Variants in SGO2 observed in about 807,000 individuals in gnomAD.
The protein encoded by SGO2 is shugoshin-like 2.
In SGO2, 68 loss-of-function variants were observed where a neutral mutation model predicts 99.5. That is an observed-to-expected ratio of 0.68 (90% CI 0.56 to 0.84). The LOEUF (loss-of-function observed/expected upper bound fraction) is 0.84, where lower values mean the gene tolerates loss of function less well. SGO2 is among the 40% of genes least tolerant of loss of function. SGO2 has a pLI of 0.00. For synonymous variants in SGO2, 457 were observed against 487.1 expected, an observed-to-expected ratio of 0.94 and a Z score of 0.81; for missense variants, 1,350 against 1,436.7, an observed-to-expected ratio of 0.94 and a Z score of 0.97.
chr2:200,564,156 G>A (rs2033092195), intron 5 of SGO2, among the ~76,000 whole-genome samples: 1 of 152,100 alleles, frequency 6.6e-6, no homozygotes, highest in Non-Finnish European at 1.5e-5. Flanking sequence ...TGATGTTAGG[G>A]TGTCAATTTT....
At chr2:200,551,009 AAG>A (rs760053457) in intron 5 of SGO2, among the ~76,000 whole-genome samples, 2 of 152,040 alleles carry the variant, frequency 1.3e-5, no homozygotes, top group Non-Finnish European at 2.9e-5. Context: ...AAAAAGAAAA[AAG>A]GGGAATCATA....
rs780445989 is a variant in SGO2 at position 200,571,069 on chromosome 2, C to G, written c.723C>G (p.Asp241Glu). The change falls in exon 7 of 9, where the codon GAC (aspartate) becomes GAG (glutamate). Residue 241 changes from aspartate to glutamate, a missense_variant. Physicochemically the swap from Asp to Glu is conservative, Grantham distance 45 (BLOSUM62 2). Coordinates refer to ENST00000357799, the MANE Select transcript of SGO2 (RefSeq NM_152524.6). ...TAATAGAAAGCCATTCCCACTCAGA[C>G]CAAAGTTCTAAGACTTCTCTAATGA... ...VPPRESHSHS[D>E]QSSKTSLMSE... is the part of the protein sequence containing the mutation. 1.3e-6 allele frequency: 2 copies of G among 1,581,070 alleles called. No individual in the cohort carries two copies. Among genetic ancestry groups the G allele is most frequent in the South Asian group, 2.4e-5 (2 of 85,100 alleles).
At chr2:200,569,393 A>G (rs2033306720) in intron 5 of SGO2, among the ~76,000 whole-genome samples, 1 of 152,132 alleles carries the variant, frequency 6.6e-6, no homozygotes, top group African/African-American at 2.4e-5. Context: ...GCTTAATAGT[A>G]GTCTTCTAAT....
chr2:200,558,247 T>C (rs1457346279), intron 5 of SGO2, among the ~76,000 whole-genome samples: 2 of 152,204 alleles, frequency 1.3e-5, no homozygotes, highest in Non-Finnish European at 2.9e-5. Flanking sequence ...TTCCTGTTAT[T>C]AAATATGATG....
chr2:200,571,571 AAGAG>A lies in SGO2; in HGVS notation c.1229_1232del (p.Arg410LysfsTer50). On this transcript the variant is annotated frameshift_variant, in exon 7 of 9. Coordinates refer to ENST00000357799, the MANE Select transcript of SGO2 (RefSeq NM_152524.6). LOFTEE classifies it high-confidence loss of function. ...AGTGAAAGATTCCAGCTCTGAAAAA[AAGAG>A]AGAAAGATCAAAGAGACAGTTTAAA... The A allele has an allele frequency of 6.2e-7, 1 of 1,612,146 alleles. No individual in the cohort carries two copies.
intron 5 of SGO2, among the ~76,000 whole-genome samples, chr2:200,543,794 G>A (rs182960696): frequency 7.0e-4 from 107 of 152,264 alleles, no homozygotes; most frequent in Non-Finnish European, 1.2e-3. Flanking sequence ...TGCACGTATT[G>A]TTTCATATAG....
intron 5 of SGO2, among the ~76,000 whole-genome samples, chr2:200,559,861 G>A (rs1179349071): frequency 6.6e-6 from 1 of 151,826 alleles, no homozygotes; most frequent in African/African-American, 2.4e-5. Context: ...TTTACTTTTT[G>A]TTGTTGATGT....
In SGO2 at chr2:200,571,272, A is replaced by G. The variant is rs2106343229; in HGVS notation, c.926A>G (p.Asn309Ser). 1.2e-6 allele frequency: 2 copies of G among 1,613,456 alleles called. No homozygotes were observed. Among genetic ancestry groups the G allele is most frequent in the Non-Finnish European group, 1.7e-6 (2 of 1,179,592 alleles). ...HISSPELNCN[N>S]EINGHTNETN... is the part of the protein sequence containing the mutation. ...TCAAGTCCAGAATTAAATTGCAATA[A>G]TGAGATAAATGGTCATACTAATGAA... The change falls in exon 7 of 9, where the codon AAT (asparagine) becomes AGT (serine). Residue 309 changes from asparagine (N) to serine (S), a missense_variant. Asn to Ser is a conservative substitution (Grantham distance 46, BLOSUM62 1). Coordinates refer to ENST00000357799, the MANE Select transcript of SGO2 (RefSeq NM_152524.6).
At chr2:200,556,335 A>T (rs1335983491) in intron 5 of SGO2, among the ~76,000 whole-genome samples, 1 of 152,132 alleles carries the variant, frequency 6.6e-6, no homozygotes, top group African/African-American at 2.4e-5. Flanking sequence ...TTTAAATCTC[A>T]TTACCTGATT....
chr2:200,557,417 C>CTA lies in SGO2; in HGVS notation c.474-12244_474-12243dup, dbSNP rs1439452449. Among the ~76,000 whole-genome samples the CTA allele has an allele frequency of 2.0e-5, 3 of 152,278 alleles. No homozygotes were observed. In the East Asian group the frequency reaches 5.8e-4, roughly 29 times the overall value. On this transcript the variant is annotated intron_variant, in intron 5 of 8. Coordinates refer to ENST00000357799, the MANE Select transcript of SGO2 (RefSeq NM_152524.6). ...AAAGTTGGCCAATTGGTGCTGCAGTCTATTTCCTTTGGGTCAGGGGTCTCT... is the reference window on the plus strand; with the variant it reads ...AAAGTTGGCCAATTGGTGCTGCAGTCTATATTTCCTTTGGGTCAGGGGTCTCT...
Position 200,535,119 on chromosome 2 carries a change from T to C in SGO2, c.257T>C (p.Val86Ala). The change falls in exon 3 of 9, where the codon GTA (valine) becomes GCA (alanine). Residue 86 changes from valine (V) to alanine (A), a missense_variant. Transcript: ENST00000357799. ...GAAAAGATGCTATTGCAAAAAGAAGTAGAGAAACTGAATTTTGAGAACACA... is the reference window on the plus strand; with the variant it reads ...GAAAAGATGCTATTGCAAAAAGAAGCAGAGAAACTGAATTTTGAGAACACA... Reference protein sequence around the residue: ...TTEKMLLQKEVEKLNFENTFL... With the variant: ...TTEKMLLQKEAEKLNFENTFL... The C allele has an allele frequency of 6.5e-7, 1 of 1,541,808 alleles. No individual in the cohort carries two copies. Among genetic ancestry groups the C allele is most frequent in the South Asian group, 1.3e-5 (1 of 78,848 alleles).
rs558700303 is a variant in SGO2, at chr2:200,528,015, G to A, written c.-3+1763G>A. ...GGAAGAGTTGATACAAAGGGAAGAA[G>A]GAATAAAAGTTTCTGCTTTAGAGCA... On this transcript the variant is annotated intron_variant, in intron 1 of 8. Coordinates refer to ENST00000357799, the MANE Select transcript of SGO2 (RefSeq NM_152524.6). Among the ~76,000 whole-genome samples, 6 of 152,164 alleles carry A rather than the reference G, an allele frequency of 3.9e-5. No individual in the cohort carries two copies. The South Asian group carries it at 1.2e-3, about 31-fold the overall frequency.
intron 1 of SGO2, among the ~76,000 whole-genome samples, chr2:200,527,233 A>C (rs1369241006): frequency 6.6e-6 from 1 of 152,224 alleles, no homozygotes; most frequent in African/African-American, 2.4e-5. Flanking sequence ...GGCGATTGAC[A>C]GTGTCGTTTA....
In SGO2 at chr2:200,550,106, G is replaced by A. The variant is rs114599540; in HGVS notation, c.473+7442G>A. 2.4e-3 allele frequency among the ~76,000 whole-genome samples: 371 copies of A among 151,600 alleles called. 2 individuals carry two copies. Among genetic ancestry groups the A allele is most frequent in the African/African-American group, 8.7e-3 (357 of 40,984 alleles). ...CGAGAAAGCAATCCCATTTATCATCGCTACAAAAAATATGAAATACCTAGG... is the reference window on the plus strand; with the variant it reads ...CGAGAAAGCAATCCCATTTATCATCACTACAAAAAATATGAAATACCTAGG... On this transcript the variant is annotated intron_variant, in intron 5 of 8. Transcript: ENST00000357799.
At chr2:200,536,699 G>A (rs1425642912) in intron 4 of SGO2, among the ~76,000 whole-genome samples, 1 of 152,046 alleles carries the variant, frequency 6.6e-6, no homozygotes, top group Non-Finnish European at 1.5e-5. Context: ...ATACATTCTT[G>A]GTAGCTACCT....
intron 5 of SGO2, among the ~76,000 whole-genome samples, chr2:200,561,518 T>TA (rs1468167898): frequency 6.6e-5 from 10 of 152,224 alleles, no homozygotes; most frequent in Admixed American, 3.9e-4. Flanking sequence ...GCAATAAACA[T>TA]ACGTGTGCAT....
At chr2:200,567,068 C>T (rs1015795907) in intron 5 of SGO2, among the ~76,000 whole-genome samples, 2 of 152,208 alleles carry the variant, frequency 1.3e-5, no homozygotes, top group African/African-American at 4.8e-5. Context: ...GTGGGCTGCA[C>T]CCACTGTCCT....
At chr2:200,527,883 G>A (rs1368341164) in intron 1 of SGO2, among the ~76,000 whole-genome samples, 1 of 152,184 alleles carries the variant, frequency 6.6e-6, no homozygotes, top group African/African-American at 2.4e-5. Context: ...GGGGAGAATG[G>A]GGGTAAGTGT....
Position 200,532,988 on chromosome 2 carries a change from G to A in SGO2, c.13G>A (p.Val5Met). 6.2e-7 allele frequency: 1 copy of A among 1,608,996 alleles called. No individual in the cohort carries two copies. The highest frequency in any genetic ancestry group is 1.7e-4 in the Middle Eastern group (1 of 5,926). Reference protein sequence around the residue: MECPVMETGSLFTSG... With the variant: MECPMMETGSLFTSG... ...TTTCACTTCAGTGATGGAGTGCCCAGTGATGGAAACTGGCTCACTTTTTAC... is the reference window on the plus strand; with the variant it reads ...TTTCACTTCAGTGATGGAGTGCCCAATGATGGAAACTGGCTCACTTTTTAC... The change falls in exon 2 of 9, where the codon GTG becomes ATG. Residue 5 changes from valine (V) to methionine (M), a missense_variant. Transcript: ENST00000357799.
Sources: gnomAD v4.1 joint callset for allele counts (sites outside exome capture counted in the v4.1 genomes callset) on GRCh38, gnomAD v4.1.1 for gene constraint, MANE v1.5 for transcripts, NCBI Gene and HGNC (gene_info 2026-07-23, HGNC 2026-07-21) for gene names.